SDK1: variants seen among roughly 807,000 people sequenced by gnomAD.
SDK1 encodes protein sidekick-1.
A neutral mutation model predicts 245.5 loss-of-function variants in SDK1; 157 were observed. The observed-to-expected ratio is 0.64, with a 90% confidence interval of 0.56 to 0.73. The LOEUF is 0.73. Among genes scored for constraint, SDK1 ranks in the 30% least tolerant of loss-of-function variants. The pLI, the probability that SDK1 is intolerant of heterozygous loss-of-function variation, is 0.00. For synonymous variants in SDK1, 1,647 were observed against 1,278.5 expected (o/e 1.29, Z -6.15); for missense variants, 3,583 against 3,002.3 (o/e 1.19, Z -4.52).
intron 30 of SDK1, among the ~76,000 whole-genome samples, chr7:4,151,695 A>G (rs1010217763): frequency 6.6e-6 from 1 of 152,124 alleles, no homozygotes; most frequent in Non-Finnish European, 1.5e-5. Flanking sequence ...GTCATTTTCA[A>G]CACCACTTCC....
At chr7:4,124,090 T>C (rs1307316204) in intron 25 of SDK1, among the ~76,000 whole-genome samples, 1 of 152,190 alleles carries the variant, frequency 6.6e-6, no homozygotes, top group Non-Finnish European at 1.5e-5. Flanking sequence ...GGGGCTGTCC[T>C]TTCTCGCCCC....
intron 1 of SDK1, among the ~76,000 whole-genome samples, chr7:3,504,141 C>G (rs2128609217): frequency 6.8e-6 from 1 of 147,264 alleles, no homozygotes; most frequent in East Asian, 2.0e-4. Context: ...CAGAGCGAGA[C>G]TCCTTCTCAA....
At chr7:3,504,959 A>G (rs1244394397) in intron 1 of SDK1, among the ~76,000 whole-genome samples, 2 of 152,198 alleles carry the variant, frequency 1.3e-5, no homozygotes, top group Non-Finnish European at 2.9e-5. Context: ...CTAGTTTCCA[A>G]ATGTAATGGA....
intron 41 of SDK1, among the ~76,000 whole-genome samples, chr7:4,235,639 A>G (rs1259791325): frequency 6.6e-6 from 1 of 152,208 alleles, no homozygotes; most frequent in Non-Finnish European, 1.5e-5. Flanking sequence ...TCTGTGGAAA[A>G]TTGGTACAGA....
At chr7:3,785,220 T>C (rs1780862666) in intron 4 of SDK1, among the ~76,000 whole-genome samples, 1 of 152,106 alleles carries the variant, frequency 6.6e-6, no homozygotes, top group African/African-American at 2.4e-5. Context: ...AGGGAGGTGA[T>C]GGTCCAAGAG....
intron 43 of SDK1, among the ~76,000 whole-genome samples, chr7:4,242,991 G>A (rs1292182618): frequency 2.6e-5 from 4 of 152,224 alleles, no homozygotes; most frequent in Admixed American, 1.3e-4. Flanking sequence ...AAGGGCTGGA[G>A]GTGGATGCTG....
chr7:3,303,033 T>A (rs1779321117), intron 1 of SDK1, among the ~76,000 whole-genome samples: 1 of 151,536 alleles, frequency 6.6e-6, no homozygotes, highest in Admixed American at 6.6e-5. Flanking sequence ...TATTGATGCT[T>A]ATGTAACGTT....
At chr7:3,898,684 G>T (rs1163124206) in intron 5 of SDK1, among the ~76,000 whole-genome samples, 1 of 152,150 alleles carries the variant, frequency 6.6e-6, no homozygotes, top group Non-Finnish European at 1.5e-5. Flanking sequence ...CAAAAAGTTT[G>T]AATTACTAAC....
intron 19 of SDK1, among the ~76,000 whole-genome samples, chr7:4,056,382 C>A (rs1173991677): frequency 6.6e-6 from 1 of 152,024 alleles, no homozygotes; most frequent in Non-Finnish European, 1.5e-5. Flanking sequence ...CTGGTACTGG[C>A]CTCCTTCATA....
At chr7:4,195,808 G>A (rs954047095) in intron 35 of SDK1, among the ~76,000 whole-genome samples, 3 of 152,086 alleles carry the variant, frequency 2.0e-5, no homozygotes, top group Admixed American at 1.3e-4. Context: ...GGATGAAGCC[G>A]TCGCTGCTCC....
intron 5 of SDK1, among the ~76,000 whole-genome samples, chr7:3,844,304 A>G (rs1780225632): frequency 6.6e-6 from 1 of 152,188 alleles, no homozygotes; most frequent in African/African-American, 2.4e-5. Flanking sequence ...ATTGCCAATT[A>G]TTTAAAGGAG....
chr7:4,137,653 C>T (rs1006810567), intron 28 of SDK1, among the ~76,000 whole-genome samples: 2 of 152,194 alleles, frequency 1.3e-5, no homozygotes, highest in Non-Finnish European at 2.9e-5. Flanking sequence ...CTCATATTAT[C>T]ATAATTCACC....
intron 29 of SDK1, among the ~76,000 whole-genome samples, chr7:4,147,079 G>A (rs561328490): frequency 4.6e-5 from 7 of 152,354 alleles, no homozygotes; most frequent in African/African-American, 1.7e-4. Flanking sequence ...AGGTCCTGAT[G>A]TCATGGCCAG....
intron 19 of SDK1, among the ~76,000 whole-genome samples, chr7:4,064,292 T>C (rs927893367): frequency 2.6e-5 from 4 of 152,106 alleles, no homozygotes; most frequent in African/African-American, 9.7e-5. Context: ...AAAGCAGACA[T>C]ACAGATGGTC....
At chr7:4,107,531 G>A (rs763063784) in intron 22 of SDK1, among the ~76,000 whole-genome samples, 14 of 149,056 alleles carry the variant, frequency 9.4e-5, no homozygotes, top group South Asian at 2.1e-4. Context: ...CCATGAAATC[G>A]CCCAGTGCTT....
Position 3,327,048 on chromosome 7 carries a change from G to A in SDK1, c.298+25164G>A, listed in dbSNP as rs1468758146. Among the ~76,000 whole-genome samples the A allele has an allele frequency of 2.0e-5, 3 of 152,190 alleles. No homozygotes were observed. The East Asian group carries it at 5.8e-4, about 29-fold the overall frequency. ...AAGCTGATTTAATCTTAAGTCAGAT[G>A]TAAAGATAATGTTCAGTTCCAGAAA... On this transcript the variant is annotated intron_variant, in intron 1 of 44. Coordinates refer to ENST00000404826, the MANE Select transcript of SDK1 (RefSeq NM_152744.4).
chr7:4,234,746 C>T (rs1786039475), intron 41 of SDK1, among the ~76,000 whole-genome samples: 1 of 152,194 alleles, frequency 6.6e-6, no homozygotes, highest in Non-Finnish European at 1.5e-5. Flanking sequence ...ACTTTCTTTA[C>T]CCCGCGATGA....
intron 42 of SDK1, among the ~76,000 whole-genome samples, chr7:4,240,675 C>T (rs955901388): frequency 3.3e-5 from 5 of 152,184 alleles, no homozygotes; most frequent in African/African-American, 7.2e-5. Flanking sequence ...GTCCTGGGGG[C>T]TGGCGGGACA....
chr7:3,390,402 A>G (rs544735953), intron 1 of SDK1, among the ~76,000 whole-genome samples: 1 of 152,332 alleles, frequency 6.6e-6, no homozygotes, highest in Admixed American at 6.5e-5. Context: ...TATCGAAGCC[A>G]ATATTGTAAG....
Sources: allele counts gnomAD v4.1 joint callset (sites outside exome capture counted in the v4.1 genomes callset), GRCh38; gene constraint gnomAD v4.1.1; transcripts MANE v1.5; gene names NCBI Gene and HGNC (gene_info 2026-07-23, HGNC 2026-07-21).